The following CA10 variants were observed in gnomAD, a reference collection of about 807,000 sequenced individuals.
The protein encoded by CA10 is carbonic anhydrase-related protein 10.
Under a neutral mutation model 44.2 loss-of-function variants are expected in CA10, and 14 were observed. That is an observed-to-expected ratio of 0.32 (90% CI 0.21 to 0.50). CA10 has a LOEUF of 0.50. CA10 is among the 20% of genes least tolerant of loss of function. CA10 has a pLI of 0.99. For synonymous variants in CA10, 159 were observed against 141.6 expected, an observed-to-expected ratio of 1.12 and a Z score of -0.87; for missense variants, 350 against 409.7, an observed-to-expected ratio of 0.85 and a Z score of 1.26.
chr17:51,914,543 G>A (rs9916828), intron 3 of CA10, among the ~76,000 whole-genome samples: 104,116 of 151,960 alleles, frequency 0.69, 35,962 homozygotes, highest in Non-Finnish European at 0.71. Flanking sequence ...GATAAAATAC[G>A]TATAGTGCTA....
chr17:51,929,849 A>T (rs1982581237), intron 3 of CA10, among the ~76,000 whole-genome samples: 1 of 152,136 alleles, frequency 6.6e-6, no homozygotes, highest in Admixed American at 6.5e-5. Flanking sequence ...CCTATATATG[A>T]CCTTTCCACA....
intron 2 of CA10, among the ~76,000 whole-genome samples, chr17:52,051,153 GAA>G (rs1421256313): frequency 6.6e-6 from 1 of 151,296 alleles, no homozygotes; most frequent in Non-Finnish European, 1.5e-5. Flanking sequence ...AGGGAGGGAT[GAA>G]GAGAGAGAAG....
chr17:52,072,373 T>G lies in CA10; in HGVS notation c.82A>C (p.Ile28Leu). 1 of 1,613,028 alleles carries G rather than the reference T, an allele frequency of 6.2e-7. No individual in the cohort carries two copies. The highest frequency in any genetic ancestry group is 8.5e-7 in the Non-Finnish European group (1 of 1,179,180). Residue 28 changes from isoleucine to leucine, a missense_variant, in exon 2 of 9, where the codon ATC becomes CTC. Coordinates refer to ENST00000451037, the MANE Select transcript of CA10 (RefSeq NM_020178.5). Reference protein sequence around the residue: ...CISAQQNSPKIHEGWWAYKEV... With the variant: ...CISAQQNSPKLHEGWWAYKEV... Reference sequence around the variant, plus strand: ...TTGTATGCCCACCAGCCTTCATGGATTTTTGGTGAATTCTGTTGAGCTAAA... The same window carrying G: ...TTGTATGCCCACCAGCCTTCATGGAGTTTTGGTGAATTCTGTTGAGCTAAA...
At chr17:52,027,726 C>A (rs1249219147) in intron 2 of CA10, among the ~76,000 whole-genome samples, 1 of 152,072 alleles carries the variant, frequency 6.6e-6, no homozygotes, top group African/African-American at 2.4e-5. Context: ...AGAATCAGAG[C>A]TAATTTTTCT....
intron 3 of CA10, among the ~76,000 whole-genome samples, chr17:51,881,364 C>A (rs1980368296): frequency 6.6e-6 from 1 of 151,096 alleles, no homozygotes; most frequent in Non-Finnish European, 1.5e-5. Flanking sequence ...TTTTTATAAT[C>A]TTATGCTAAA....
intron 4 of CA10, among the ~76,000 whole-genome samples, chr17:51,689,541 A>G (rs1915117453): frequency 6.6e-6 from 1 of 152,260 alleles, no homozygotes; most frequent in Non-Finnish European, 1.5e-5. Flanking sequence ...ATAATTTGAA[A>G]TAATAATGGG....
intron 3 of CA10, among the ~76,000 whole-genome samples, chr17:51,796,649 G>A (rs1343959321): frequency 1.3e-5 from 2 of 152,112 alleles, no homozygotes; most frequent in Non-Finnish European, 2.9e-5. Flanking sequence ...TATTGCTCTG[G>A]GCTTCTCTAC....
chr17:51,698,745 C>T (rs1431194600), intron 4 of CA10, among the ~76,000 whole-genome samples: 3 of 152,204 alleles, frequency 2.0e-5, no homozygotes, highest in Non-Finnish European at 4.4e-5. Flanking sequence ...TGGTAACCAC[C>T]ACCTACTCTC....
chr17:51,646,634 G>A (rs774196382), intron 6 of CA10, among the ~76,000 whole-genome samples: 1 of 152,116 alleles, frequency 6.6e-6, no homozygotes, highest in Non-Finnish European at 1.5e-5. Flanking sequence ...GGAAAGCCTC[G>A]GGAGGGACTT....
intron 3 of CA10, among the ~76,000 whole-genome samples, chr17:51,902,487 A>G (rs1243060776): frequency 6.6e-6 from 1 of 152,152 alleles, no homozygotes; most frequent in Non-Finnish European, 1.5e-5. Context: ...TGCCCATGTT[A>G]CAGAAAATGA....
chr17:51,847,347 T>C (rs2143815307), intron 3 of CA10, among the ~76,000 whole-genome samples: 1 of 152,270 alleles, frequency 6.6e-6, no homozygotes, highest in African/African-American at 2.4e-5. Flanking sequence ...CTGTTAAAGT[T>C]TGTCTCATTG....
chr17:51,822,453 C>CAAACAAA (rs1189427698), intron 3 of CA10, among the ~76,000 whole-genome samples: 119 of 151,936 alleles, frequency 7.8e-4, no homozygotes, highest in African/African-American at 2.8e-3. Flanking sequence ...AACAAAAAAA[C>CAAACAAA]AAACAAAAAA....
intron 1 of CA10, among the ~76,000 whole-genome samples, chr17:52,123,234 T>C (rs1044543431): frequency 6.6e-6 from 1 of 151,916 alleles, no homozygotes; most frequent in Non-Finnish European, 1.5e-5. Context: ...AAGAGTGACA[T>C]GAAAGAAATG....
intron 2 of CA10, among the ~76,000 whole-genome samples, chr17:52,049,667 C>G (rs1474728352): frequency 6.6e-6 from 1 of 152,054 alleles, no homozygotes; most frequent in Non-Finnish European, 1.5e-5. Context: ...CTATAAATAT[C>G]ATTTGTATGT....
intron 2 of CA10, among the ~76,000 whole-genome samples, chr17:51,971,868 A>G (rs1465449170): frequency 6.6e-6 from 1 of 151,966 alleles, no homozygotes; most frequent in East Asian, 1.9e-4. Flanking sequence ...AGAAATTATA[A>G]AAGTTAAAAT....
chr17:51,894,274 C>T (rs554112024), intron 3 of CA10, among the ~76,000 whole-genome samples: 6 of 152,066 alleles, frequency 3.9e-5, no homozygotes, highest in East Asian at 1.9e-4. Flanking sequence ...AGAGCTGTCC[C>T]GTTCAAAAGG....
intron 2 of CA10, among the ~76,000 whole-genome samples, chr17:51,971,432 T>C (rs1030549591): frequency 6.6e-6 from 1 of 152,152 alleles, no homozygotes; most frequent in Non-Finnish European, 1.5e-5. Flanking sequence ...GTATGAGACA[T>C]GGATCCTGTA....
chr17:51,715,836 T>A (rs1024257556), intron 4 of CA10, among the ~76,000 whole-genome samples: 5 of 152,104 alleles, frequency 3.3e-5, no homozygotes, highest in Non-Finnish European at 7.4e-5. Context: ...ATTACAGGCA[T>A]GTGCCACCAC....
intron 3 of CA10, among the ~76,000 whole-genome samples, chr17:51,798,531 G>C (rs1313855412): frequency 2.6e-5 from 4 of 152,228 alleles, no homozygotes; most frequent in Admixed American, 2.6e-4. Context: ...CTTGAGAGAT[G>C]CAGCTTAAGT....
Sources: gnomAD v4.1 joint callset for allele counts (sites outside exome capture counted in the v4.1 genomes callset) on GRCh38, gnomAD v4.1.1 for gene constraint, MANE v1.5 for transcripts, NCBI Gene and HGNC (gene_info 2026-07-23, HGNC 2026-07-21) for gene names.